The following JMY variants were observed in gnomAD, a reference collection of about 807,000 sequenced individuals.
JMY encodes junction-mediating and -regulatory protein.
In JMY, 46 loss-of-function variants were observed where a neutral mutation model predicts 103.3. The observed-to-expected ratio is 0.45, with a 90% CI of 0.35 to 0.57. The LOEUF (loss-of-function observed/expected upper bound fraction) is 0.57, where lower values mean the gene tolerates loss of function less well. JMY is among the 20% of genes least tolerant of loss of function. The pLI is 0.00. For missense variants in JMY, 1,238 were observed against 1,255.2 expected (o/e 0.99, Z 0.21); for synonymous variants, 526 against 489.3 (o/e 1.07, Z -0.99).
chr5:79,259,971 C>T, intron 1 of JMY, among the ~76,000 whole-genome samples: 1 of 152,202 alleles, frequency 6.6e-6, no homozygotes, highest in South Asian at 2.1e-4. Flanking sequence ...CATCCTGGGC[C>T]CACCTCTGCC....
intron 1 of JMY, among the ~76,000 whole-genome samples, chr5:79,258,548 AG>A (rs931746626): frequency 1.1e-4 from 17 of 151,944 alleles, no homozygotes; most frequent in Admixed American, 1.1e-3. Flanking sequence ...TGGAGCGGTG[AG>A]GGGTGTGTTA....
Position 79,323,212 on chromosome 5 carries a change from A to G in JMY, c.*1610A>G, listed in dbSNP as rs191937327. The G allele has an allele frequency of 1.3e-5, 2 of 152,370 alleles. No homozygotes were observed. Among genetic ancestry groups the G allele is most frequent in the Admixed American group, 6.5e-5 (1 of 15,308 alleles). 9.4% of individuals were successfully genotyped at this position (152,370 alleles called of 1,614,324 possible). ...AGCAATCTGCCAGCCTCGGCCTGCT[A>G]AAGTGCTAGGATTATAGGCGTGAGC... On this transcript the variant is annotated 3_prime_UTR_variant, in exon 11 of 11. Coordinates refer to ENST00000396137, the MANE Select transcript of JMY (RefSeq NM_152405.5).
At chr5:79,282,808 G>A (rs1460102644) in intron 2 of JMY, among the ~76,000 whole-genome samples, 3 of 152,114 alleles carry the variant, frequency 2.0e-5, no homozygotes, top group African/African-American at 7.2e-5. Context: ...GATTGAACAC[G>A]TGTTTGATAG....
intron 9 of JMY, among the ~76,000 whole-genome samples, chr5:79,315,634 CAA>C (rs755491277): frequency 1.7e-4 from 26 of 152,024 alleles, no homozygotes; most frequent in Non-Finnish European, 3.5e-4. Flanking sequence ...TTTTTAAAAA[CAA>C]AATGTGTAAC....
In JMY at chr5:79,316,089, C is replaced by A; in HGVS notation, c.2749C>A (p.Pro917Thr). The change falls in exon 10 of 11, where the codon CCT (proline) becomes ACT (threonine). Residue 917 changes from proline to threonine, a missense_variant. Coordinates refer to ENST00000396137, the MANE Select transcript of JMY (RefSeq NM_152405.5). ...TGAACAGCGAACTCTGCCTCCTTTTCCTGATGAAGATGATAGTAATAATAT... is the reference window on the plus strand; with the variant it reads ...TGAACAGCGAACTCTGCCTCCTTTTACTGATGAAGATGATAGTAATAATAT... The part of the protein sequence containing the change: ...KVEQRTLPPF[P>T]DEDDSNNILA... The A allele has an allele frequency of 6.2e-7, 1 of 1,614,034 alleles. No homozygotes were observed. Among genetic ancestry groups the A allele is most frequent in the South Asian group, 1.1e-5 (1 of 91,068 alleles).
intron 6 of JMY, among the ~76,000 whole-genome samples, chr5:79,301,596 G>A (rs1746735818): frequency 6.6e-6 from 1 of 152,210 alleles, no homozygotes; most frequent in African/African-American, 2.4e-5. Context: ...AGACAGGCAT[G>A]TATCCACAGT....
chr5:79,259,027 G>T (rs1212109719), intron 1 of JMY, among the ~76,000 whole-genome samples: 2 of 152,174 alleles, frequency 1.3e-5, no homozygotes, highest in Non-Finnish European at 1.5e-5. Context: ...ACTCAGAGGA[G>T]ACCTGTAGTG....
At chr5:79,315,955 A>T in intron 9 of JMY, 45 bp from the exon 10 acceptor site, 1 of 1,516,914 alleles carries the variant, frequency 6.6e-7, no homozygotes, top group Non-Finnish European at 9.1e-7. Context: ...CATTCTAATT[A>T]AGTGCAGTCC....
chr5:79,245,705 A>G (rs1744879255), intron 1 of JMY, among the ~76,000 whole-genome samples: 1 of 152,134 alleles, frequency 6.6e-6, no homozygotes, highest in Non-Finnish European at 1.5e-5. Flanking sequence ...GGCTCACTGC[A>G]ACCTCCGCCT....
At chr5:79,272,490 C>CT (rs1210665666) in intron 1 of JMY, among the ~76,000 whole-genome samples, 1 of 151,172 alleles carries the variant, frequency 6.6e-6, no homozygotes, top group African/African-American at 2.4e-5. Flanking sequence ...GTTTTTACTT[C>CT]TTTTTTCTCC....
Position 79,284,231 on chromosome 5 carries a change from A to T in JMY, c.1207-5890A>T, listed in dbSNP as rs562455893. ...CTTTTCCAGAACTACTGCCTTCACC[A>T]TGAAGCTCCATGAGCTTTCCCAATT... On this transcript the variant is annotated intron_variant, in intron 2 of 10. Coordinates refer to ENST00000396137, the MANE Select transcript of JMY (RefSeq NM_152405.5). The T allele has an allele frequency of 3.7e-5, 56 of 1,532,472 alleles. 1 individual carries two copies. The Middle Eastern group carries it at 2.5e-3, about 67-fold the overall frequency. The allele number at this position is 1,532,472 out of a possible 1,614,324, so 94.9% of individuals were successfully genotyped here. A position where few individuals can be genotyped will look rare whatever the true frequency, so the allele number is the denominator to read the frequency against.
chr5:79,236,997 C>G lies in JMY; in HGVS notation c.347C>G (p.Pro116Arg), dbSNP rs1478437581. The G allele has an allele frequency of 1.4e-6, 2 of 1,475,564 alleles. No homozygotes were observed. Among genetic ancestry groups the G allele is most frequent in the East Asian group, 5.0e-5 (2 of 40,274 alleles). The allele number at this position is 1,475,564 out of a possible 1,614,324, so 91.4% of individuals were successfully genotyped here. ...TCGGCCTGGGCGGAGGGCGGCTCTC[C>G]TCGGAGCACTCGCAGCCTTCTGGGG... is the stretch of plus-strand genomic sequence containing the variant. ...RSSAWAEGGS[P>R]RSTRSLLGDP... The change falls in exon 1 of 11, where the codon CCT becomes CGT. Residue 116 changes from proline (P) to arginine (R), a missense_variant. By Grantham distance (103) the Pro-to-Arg change is moderately radical. Transcript: ENST00000396137.
intron 1 of JMY, among the ~76,000 whole-genome samples, chr5:79,260,986 A>C (rs1342603712): frequency 1.3e-5 from 2 of 152,018 alleles, no homozygotes; most frequent in African/African-American, 4.8e-5. Context: ...TTTCACAGTA[A>C]TTATTTGCAT....
chr5:79,297,560 A>C (rs540156315), intron 4 of JMY, among the ~76,000 whole-genome samples: 71 of 152,328 alleles, frequency 4.7e-4, no homozygotes, highest in Non-Finnish European at 4.7e-4. Flanking sequence ...TTTTGCCTCC[A>C]CATTGAAGAT....
intron 4 of JMY, among the ~76,000 whole-genome samples, chr5:79,299,882 T>C (rs116469939): frequency 0.031 from 4,643 of 152,228 alleles, 88 homozygotes; most frequent in South Asian, 0.062. Context: ...ACATATATTA[T>C]TACCATAAAT....
chr5:79,312,121 G>T (rs1376248986), intron 7 of JMY, among the ~76,000 whole-genome samples: 2 of 152,006 alleles, frequency 1.3e-5, no homozygotes, highest in African/African-American at 4.8e-5. Flanking sequence ...CTGGCTGGTT[G>T]CTGATTTTAT....
At chr5:79,253,299 CT>C (rs1014418192) in intron 1 of JMY, among the ~76,000 whole-genome samples, 6 of 148,582 alleles carry the variant, frequency 4.0e-5, no homozygotes, top group Admixed American at 1.3e-4. Flanking sequence ...ATCATTTAAT[CT>C]TTTTTTTTTG....
chr5:79,306,874 T>C (rs1315815366), intron 7 of JMY, among the ~76,000 whole-genome samples: 1 of 152,208 alleles, frequency 6.6e-6, no homozygotes, highest in Admixed American at 6.5e-5. Context: ...TAGTATCATA[T>C]GGAATAATTT....
At position 79,325,624 on chromosome 5, in the gene JMY, T is replaced by C. The variant is rs1747613125; in HGVS notation, c.*4022T>C. 6.6e-6 allele frequency: 1 copy of C among 152,188 alleles called. No individual in the cohort carries two copies. Among genetic ancestry groups the C allele is most frequent in the African/African-American group, 2.4e-5 (1 of 41,464 alleles). 9.4% of individuals were successfully genotyped at this position (152,188 alleles called of 1,614,324 possible). ...GTGAGAAAGTGGAAGCACCTTACTG[T>C]TAGAGCATGTTGCATCTATTTAGTG... On this transcript the variant is annotated 3_prime_UTR_variant, in exon 11 of 11. Transcript: ENST00000396137.
Sources: gnomAD v4.1 joint callset for allele counts (sites outside exome capture counted in the v4.1 genomes callset) on GRCh38, gnomAD v4.1.1 for gene constraint, MANE v1.5 for transcripts, NCBI Gene and HGNC (gene_info 2026-07-23, HGNC 2026-07-21) for gene names.